The following PHLPP2 variants were observed in gnomAD, a reference collection of about 807,000 sequenced individuals.
The protein encoded by PHLPP2 is PH domain and leucine rich repeat protein phosphatase 2, also known as PH domain leucine-rich repeat-containing protein phosphatase 2.
A neutral mutation model predicts 124.9 loss-of-function variants in PHLPP2; 66 were observed. The ratio of observed to expected loss-of-function variants is 0.53; its 90% CI spans 0.43 to 0.65. PHLPP2 has a LOEUF of 0.65. PHLPP2 is among the 30% of genes least tolerant of loss of function. The pLI is 0.00. For missense variants in PHLPP2, 1,685 were observed against 1,600.4 expected (o/e 1.05, Z -0.90); for synonymous variants, 681 against 624.7 (o/e 1.09, Z -1.34).
chr16:71,722,299 T>TG lies in PHLPP2; in HGVS notation c.-7+2029dup. On this transcript the variant is annotated intron_variant, in intron 1 of 18. Coordinates refer to ENST00000568954, the MANE Select transcript of PHLPP2 (RefSeq NM_015020.3). ...ATACAAAAAAATCAGTGGGGTGTGG[T>TG]GGCGGGTGCCCGTGATCCTAGCTAC... Among the ~76,000 whole-genome samples, 4 of 152,178 alleles carry TG rather than the reference T, an allele frequency of 2.6e-5. No individual in the cohort carries two copies. The South Asian group carries it at 8.3e-4, about 32-fold the overall frequency.
chr16:71,715,004 C>T (rs958837113), intron 1 of PHLPP2: 6 of 610,370 alleles, frequency 9.8e-6, no homozygotes, highest in Non-Finnish European at 1.4e-5. Flanking sequence ...TCTGTGTTTC[C>T]ATCCATCATC....
At chr16:71,661,067 CTTTTTT>C (rs34708544) in intron 13 of PHLPP2, among the ~76,000 whole-genome samples, 1 of 132,302 alleles carries the variant, frequency 7.6e-6, no homozygotes, top group Non-Finnish European at 1.6e-5. Context: ...TTGTCTTTGT[CTTTTTT>C]TTTTTTTTTT....
At chr16:71,672,433 T>G in intron 9 of PHLPP2, 111 bp from the exon 10 acceptor site, 1 of 764,092 alleles carries the variant, frequency 1.3e-6, no homozygotes, top group East Asian at 2.6e-5. Flanking sequence ...ACTGATGTAT[T>G]CTACCAAGAT....
chr16:71,686,691 T>C (rs1396202601), intron 4 of PHLPP2, among the ~76,000 whole-genome samples: 1 of 152,188 alleles, frequency 6.6e-6, no homozygotes, highest in South Asian at 2.1e-4. Flanking sequence ...ATTCAATAAA[T>C]AGACTTTTGT....
chr16:71,723,964 C>CCGCCGGCTCCGCCCCTCCGGCGGCT (rs1366958450), intron 1 of PHLPP2: 3 of 286,694 alleles, frequency 1.0e-5, no homozygotes, highest in Admixed American at 6.4e-5. Flanking sequence ...CCCCCGCGGC[C>CCGCCGGCTCCGCCCCTCCGGCGGCT]CGCCGGCTCC....
chr16:71,705,160 A>C (rs2045264566), intron 2 of PHLPP2, among the ~76,000 whole-genome samples: 1 of 152,212 alleles, frequency 6.6e-6, no homozygotes. Flanking sequence ...TTTAGAAGAA[A>C]CACCTGTAAG....
rs1398856494 is a variant in PHLPP2, at chr16:71,652,872, A to G, written c.2735T>C (p.Val912Ala). The G allele has an allele frequency of 6.2e-7, 1 of 1,614,156 alleles. No homozygotes were observed. Among genetic ancestry groups the G allele is most frequent in the East Asian group, 2.2e-5 (1 of 44,870 alleles). Residue 912 changes from valine to alanine, a missense_variant, in exon 18 of 19, where the codon GTG becomes GCG. Transcript: ENST00000568954. ...CAGGCTGAAGACTTTAGAGAGGGGCACTGGCTTCCCACCTCGGCACAGGAC... is the reference window on the plus strand; with the variant it reads ...CAGGCTGAAGACTTTAGAGAGGGGCGCTGGCTTCCCACCTCGGCACAGGAC... ...QAVLCRGGKP[V>A]PLSKVFSLEQ...
At chr16:71,654,774 T>C (rs765648919) in intron 17 of PHLPP2, among the ~76,000 whole-genome samples, 1 of 152,214 alleles carries the variant, frequency 6.6e-6, no homozygotes, top group Non-Finnish European at 1.5e-5. Context: ...TTGAGGAGCA[T>C]CTGTATATGG....
intron 9 of PHLPP2, among the ~76,000 whole-genome samples, chr16:71,676,217 T>A (rs2044943729): frequency 6.6e-6 from 1 of 152,218 alleles, no homozygotes; most frequent in South Asian, 2.1e-4. Flanking sequence ...TTCTGTGGAA[T>A]GCCTCTTATT....
rs777826845 is a variant in PHLPP2 at position 71,714,582 on chromosome 16, G to T, written c.214C>A (p.Pro72Thr). 2.6e-5 allele frequency: 42 copies of T among 1,614,000 alleles called. No homozygotes were observed. The highest frequency in any genetic ancestry group is 3.3e-5 in the Non-Finnish European group (39 of 1,180,012). The change falls in exon 2 of 19, where the codon CCA becomes ACA. Residue 72 changes from proline to threonine, a missense_variant. Pro to Thr is a conservative substitution (Grantham distance 38). Coordinates refer to ENST00000568954, the MANE Select transcript of PHLPP2 (RefSeq NM_015020.3). ...LHLVLCTVET[P>T]ASEICAGEGR... ...TCTCCAGCACATATTTCTGATGCTG[G>T]TGTCTCTACAGTGCAAAGGACGAGA...
intron 2 of PHLPP2, among the ~76,000 whole-genome samples, chr16:71,713,710 C>CA (rs2045338364): frequency 1.3e-5 from 2 of 152,080 alleles, no homozygotes; most frequent in African/African-American, 4.8e-5. Flanking sequence ...GTGTTGCATA[C>CA]AGCACCATGA....
chr16:71,702,353 A>C (rs2045240151), intron 3 of PHLPP2, among the ~76,000 whole-genome samples: 1 of 152,222 alleles, frequency 6.6e-6, no homozygotes, highest in Non-Finnish European at 1.5e-5. Flanking sequence ...GTATAAAATA[A>C]TGCTAGTAAG....
chr16:71,692,594 T>A (rs990468400), intron 3 of PHLPP2, among the ~76,000 whole-genome samples: 1 of 152,206 alleles, frequency 6.6e-6, no homozygotes, highest in African/African-American at 2.4e-5. Context: ...TCTAGGTCAA[T>A]CCTTTCATCT....
intron 13 of PHLPP2, 69 bp downstream of exon 13, chr16:71,663,830 A>G: frequency 8.3e-7 from 1 of 1,205,914 alleles, no homozygotes; most frequent in East Asian, 2.4e-5. Flanking sequence ...TCAGATGGCT[A>G]TATTTTTTCT....
chr16:71,670,173 T>C (rs1431811781), intron 10 of PHLPP2, among the ~76,000 whole-genome samples: 1 of 152,020 alleles, frequency 6.6e-6, no homozygotes, highest in Non-Finnish European at 1.5e-5. Context: ...AGAAGAAACA[T>C]ATGATGTGTA....
At chr16:71,719,964 ATTTTTTTTTTT>A (rs756642820) in intron 1 of PHLPP2, among the ~76,000 whole-genome samples, 1 of 53,246 alleles carries the variant, frequency 1.9e-5, no homozygotes, top group African/African-American at 8.4e-5. Flanking sequence ...TGCCCAGCTA[ATTTTTTTTTTT>A]TTTTTTTTTT....
chr16:71,680,220 G>A (rs1438745795), intron 6 of PHLPP2, among the ~76,000 whole-genome samples: 1 of 152,078 alleles, frequency 6.6e-6, no homozygotes, highest in African/African-American at 2.4e-5. Flanking sequence ...CAAAATCCTT[G>A]CAAGAATTAA....
intron 17 of PHLPP2, among the ~76,000 whole-genome samples, chr16:71,653,969 G>A (rs1022306907): frequency 1.3e-5 from 2 of 152,086 alleles, no homozygotes; most frequent in Admixed American, 6.5e-5. Flanking sequence ...GCCGAGGTGG[G>A]CAGATCACGA....
chr16:71,692,138 C>T (rs28636800), intron 3 of PHLPP2, among the ~76,000 whole-genome samples: 51,698 of 151,498 alleles, frequency 0.34, 9,659 homozygotes, highest in East Asian at 0.76. Flanking sequence ...GGCGCGATCT[C>T]GGCTCACTGC....
Sources: allele counts gnomAD v4.1 joint callset (sites outside exome capture counted in the v4.1 genomes callset), GRCh38; gene constraint gnomAD v4.1.1; transcripts MANE v1.5; gene names NCBI Gene and HGNC (gene_info 2026-07-23, HGNC 2026-07-21).